Variants in SIPA1L3 observed in about 807,000 individuals in gnomAD.
The protein encoded by SIPA1L3 is signal-induced proliferation-associated 1-like protein 3.
In SIPA1L3, 59 loss-of-function variants were observed where a neutral mutation model predicts 150.1. That is an observed-to-expected ratio of 0.39 (90% CI 0.32 to 0.49). The LOEUF is 0.49. Among genes scored for constraint, SIPA1L3 ranks in the 20% least tolerant of loss-of-function variants. The pLI is 0.86. For synonymous variants in SIPA1L3, 1,070 were observed against 1,077.6 expected (o/e 0.99, Z 0.14); for missense variants, 2,211 against 2,489.5 (o/e 0.89, Z 2.38).
chr19:38,141,099 T>C lies in SIPA1L3; in HGVS notation c.3144-85T>C, dbSNP rs949778384. On this transcript the variant is annotated intron_variant, in intron 10 of 21. Coordinates refer to ENST00000222345, the MANE Select transcript of SIPA1L3 (RefSeq NM_015073.3). ...AAAAAAAAAGCCATCCCGGTTTATA[T>C]TGGGCCAGGAAAACCCAGCCTAGAC... is the stretch of plus-strand genomic sequence containing the variant. 48 of 1,307,650 alleles carry C rather than the reference T, an allele frequency of 3.7e-5. No homozygotes were observed. The African/African-American group carries it at 4.9e-4, about 13-fold the overall frequency. 81.0% of individuals were successfully genotyped at this position (1,307,650 alleles called of 1,614,324 possible). A position where few individuals can be genotyped will look rare whatever the true frequency, so the allele number is the denominator to read the frequency against.
At chr19:38,197,698 T>C (rs1972992121) in intron 18 of SIPA1L3, among the ~76,000 whole-genome samples, 1 of 151,448 alleles carries the variant, frequency 6.6e-6, no homozygotes, top group African/African-American at 2.4e-5. Flanking sequence ...CTGGCCCTTC[T>C]CTTTGTTTCA....
intron 2 of SIPA1L3, among the ~76,000 whole-genome samples, chr19:38,043,068 G>A (rs1165240098): frequency 2.0e-5 from 3 of 152,188 alleles, no homozygotes; most frequent in Non-Finnish European, 2.9e-5. Context: ...GGCCAGGCAC[G>A]GTGGCTCACA....
intron 15 of SIPA1L3, among the ~76,000 whole-genome samples, chr19:38,169,905 G>A (rs922445131): frequency 6.6e-5 from 10 of 151,818 alleles, no homozygotes; most frequent in Admixed American, 2.0e-4. Flanking sequence ...AGGCAGCTGC[G>A]AAGAGGGGTC....
intron 1 of SIPA1L3, among the ~76,000 whole-genome samples, chr19:37,956,482 G>GTTTTTTTTTTT (rs34804753): frequency 7.9e-6 from 1 of 126,882 alleles, no homozygotes; most frequent in Non-Finnish European, 1.7e-5. Flanking sequence ...AAGTATAAAA[G>GTTTTTTTTTTT]TTTTGTTTTT....
intron 4 of SIPA1L3, among the ~76,000 whole-genome samples, chr19:38,092,689 G>A (rs538574616): frequency 6.6e-6 from 1 of 152,252 alleles, no homozygotes; most frequent in East Asian, 1.9e-4. Context: ...GGGCATGGAG[G>A]GTACCGTAGC....
At chr19:37,955,150 G>C (rs1212838090) in intron 1 of SIPA1L3, among the ~76,000 whole-genome samples, 1 of 148,528 alleles carries the variant, frequency 6.7e-6, no homozygotes, top group Non-Finnish European at 1.5e-5. Context: ...CTAGCACTTT[G>C]GCAGGCCGAG....
intron 1 of SIPA1L3, among the ~76,000 whole-genome samples, chr19:37,965,725 T>G (rs1427221755): frequency 1.0e-5 from 1 of 98,714 alleles, no homozygotes; most frequent in African/African-American, 4.5e-5. Flanking sequence ...CCCCCACCCC[T>G]AGTCCCTGCA....
At chr19:38,077,125 G>T (rs1969854817) in intron 2 of SIPA1L3, among the ~76,000 whole-genome samples, 1 of 152,152 alleles carries the variant, frequency 6.6e-6, no homozygotes, top group South Asian at 2.1e-4. Flanking sequence ...CCAACCAGAG[G>T]CAGCAGATGA....
chr19:38,071,543 C>T (rs1025329758), intron 2 of SIPA1L3, among the ~76,000 whole-genome samples: 7 of 152,182 alleles, frequency 4.6e-5, no homozygotes, highest in African/African-American at 1.7e-4. Flanking sequence ...CCCACCTCGG[C>T]CTCCCAAAGT....
chr19:38,163,687 G>A (rs374293849), intron 14 of SIPA1L3, among the ~76,000 whole-genome samples: 2 of 151,968 alleles, frequency 1.3e-5, no homozygotes, highest in African/African-American at 2.4e-5. Flanking sequence ...AGGCCCTGAC[G>A]GGGAGTGCCC....
chr19:38,064,507 G>C (rs1334432606), intron 2 of SIPA1L3, among the ~76,000 whole-genome samples: 1 of 152,220 alleles, frequency 6.6e-6, no homozygotes, highest in Non-Finnish European at 1.5e-5. Flanking sequence ...GACCAGCCTG[G>C]CCAACATGGC....
At chr19:37,921,304 G>A (rs980991066) in intron 1 of SIPA1L3, among the ~76,000 whole-genome samples, 1 of 152,184 alleles carries the variant, frequency 6.6e-6, no homozygotes, top group Non-Finnish European at 1.5e-5. Context: ...ATGAGTATGT[G>A]GTAAAATTCT....
Position 38,153,669 on chromosome 19 carries a change from C to CAA in SIPA1L3, c.3661+717_3661+718dup, listed in dbSNP as rs11309008. On this transcript the variant is annotated intron_variant, in intron 13 of 21. Coordinates refer to ENST00000222345, the MANE Select transcript of SIPA1L3 (RefSeq NM_015073.3). ...TGGGTGACAGAGCAAGATTCTGTCT[C>CAA]AAAAAAAAAAAAAAAAGAGGCCAGG... Among the ~76,000 whole-genome samples the CAA allele has an allele frequency of 3.5e-5, 4 of 115,242 alleles. No individual in the cohort carries two copies. The East Asian group carries it at 1.1e-3, about 32-fold the overall frequency. 75.6% of individuals were successfully genotyped at this position (115,242 alleles called of 152,430 possible). A position where few individuals can be genotyped will look rare whatever the true frequency, so the allele number is the denominator to read the frequency against.
intron 1 of SIPA1L3, among the ~76,000 whole-genome samples, chr19:37,962,462 C>CTTTTTTTT (rs2046867483): frequency 1.3e-5 from 1 of 78,604 alleles, no homozygotes; most frequent in African/African-American, 7.3e-5. Context: ...CTGCAGCCGG[C>CTTTTTTTT]CTTTTTTTTT....
chr19:38,150,625 G>A (rs994606495), intron 12 of SIPA1L3, among the ~76,000 whole-genome samples: 3 of 146,538 alleles, frequency 2.0e-5, no homozygotes, highest in Non-Finnish European at 4.5e-5. Context: ...CGCAATCTCC[G>A]CCTCCCAGGT....
At chr19:38,175,153 G>A (rs1478336420) in intron 15 of SIPA1L3, among the ~76,000 whole-genome samples, 1 of 152,056 alleles carries the variant, frequency 6.6e-6, no homozygotes, top group African/African-American at 2.4e-5. Flanking sequence ...GGAACATGGA[G>A]GTGGTGGTAG....
intron 3 of SIPA1L3, among the ~76,000 whole-genome samples, chr19:38,084,435 AG>A (rs1319841152): frequency 6.6e-5 from 10 of 151,828 alleles, no homozygotes; most frequent in Non-Finnish European, 2.9e-5. Context: ...CTTTCTCAGA[AG>A]CCCGGTCCAA....
chr19:38,080,381 C>CA (rs1171751497), intron 2 of SIPA1L3, among the ~76,000 whole-genome samples: 1 of 152,184 alleles, frequency 6.6e-6, no homozygotes, highest in Admixed American at 6.5e-5. Context: ...GGGAAATCCA[C>CA]AGGACAGGTG....
chr19:38,171,888 C>T (rs549882267), intron 15 of SIPA1L3, among the ~76,000 whole-genome samples: 1 of 152,186 alleles, frequency 6.6e-6, no homozygotes, highest in South Asian at 2.1e-4. Context: ...GGTGACAGAG[C>T]AAGGCCCTGG....
Sources: allele counts gnomAD v4.1 joint callset (sites outside exome capture counted in the v4.1 genomes callset), GRCh38; gene constraint gnomAD v4.1.1; transcripts MANE v1.5; gene names NCBI Gene and HGNC (gene_info 2026-07-23, HGNC 2026-07-21).